The following FAM72D variants were observed in gnomAD, a reference collection of about 807,000 sequenced individuals.
The protein encoded by FAM72D is RUMY family member 4.
For missense variants in FAM72D, 9 were observed against 104.7 expected, an observed-to-expected ratio of 0.09 and a Z score of 3.99; for synonymous variants, 4 against 35.1, an observed-to-expected ratio of 0.11 and a Z score of 3.13.
At chr1:145,102,093 G>T (rs1359706890) in intron 2 of FAM72D, among the ~76,000 whole-genome samples, 1 of 133,480 alleles carries the variant, frequency 7.5e-6, no homozygotes, top group Non-Finnish European at 1.6e-5. Context: ...AAAGACTGAG[G>T]TACTTATAAT....
At chr1:145,101,986 G>A (rs1654729721) in intron 2 of FAM72D, among the ~76,000 whole-genome samples, 1 of 116,446 alleles carries the variant, frequency 8.6e-6, no homozygotes. Flanking sequence ...GGTATAAACA[G>A]TTCATGTTGC....
chr1:145,097,157 G>C (rs1208151533), intron 1 of FAM72D, among the ~76,000 whole-genome samples, 158 bp downstream of exon 1: 1 of 145,432 alleles, frequency 6.9e-6, no homozygotes, highest in Admixed American at 6.6e-5. Context: ...TGGGCAGACT[G>C]TCTGGACAAA....
chr1:145,105,877 G>A (rs1263270262), intron 3 of FAM72D, among the ~76,000 whole-genome samples: 2 of 144,206 alleles, frequency 1.4e-5, no homozygotes, highest in African/African-American at 2.6e-5. Flanking sequence ...GCTTGAACCC[G>A]GGAGGCGGAG....
chr1:145,107,422 A>G (rs1654975055), intron 3 of FAM72D, among the ~76,000 whole-genome samples: 1 of 126,864 alleles, frequency 7.9e-6, no homozygotes, highest in Admixed American at 8.0e-5. Flanking sequence ...TATTTTTAGT[A>G]GAGACAGGGT....
At chr1:145,107,477 G>A (rs1217141126) in intron 3 of FAM72D, among the ~76,000 whole-genome samples, 1 of 127,064 alleles carries the variant, frequency 7.9e-6, no homozygotes, top group African/African-American at 3.0e-5. Flanking sequence ...GACCTCAGGG[G>A]ATCCGCCTGC....
At chr1:145,100,941 A>AT (rs1309288751) in intron 2 of FAM72D, among the ~76,000 whole-genome samples, 4 of 141,680 alleles carry the variant, frequency 2.8e-5, no homozygotes, top group Non-Finnish European at 6.1e-5. Context: ...GGGCAACGAC[A>AT]TTTTTTTTGT....
chr1:145,096,918 T>C lies in FAM72D; in HGVS notation c.71T>C (p.Val24Ala), dbSNP rs1553637236. 1.7e-6 allele frequency: 2 copies of C among 1,196,730 alleles called. No individual in the cohort carries two copies. The highest frequency in any genetic ancestry group is 2.4e-5 in the East Asian group (1 of 41,230). 74.1% of individuals were successfully genotyped at this position (1,196,730 alleles called of 1,614,324 possible). A position where few individuals can be genotyped will look rare whatever the true frequency, so the allele number is the denominator to read the frequency against. The change falls in exon 1 of 4, where the codon GTG (valine) becomes GCG (alanine). Residue 24 changes from valine to alanine, a missense_variant. Val to Ala is a moderately conservative substitution (Grantham distance 64). Coordinates refer to ENST00000400889, the MANE Select transcript of FAM72D (RefSeq NM_207418.3). Reference protein sequence around the residue: ...SILCCKFCKQVLSSRGMKAVL... With the variant: ...SILCCKFCKQALSSRGMKAVL... Reference sequence around the variant, plus strand: ...CTGTGTTGCAAATTCTGTAAACAAGTGCTCAGCTCTAGGGGAATGAAGGCT... The same window carrying C: ...CTGTGTTGCAAATTCTGTAAACAAGCGCTCAGCTCTAGGGGAATGAAGGCT...
At chr1:145,102,033 A>G (rs1654732457) in intron 2 of FAM72D, among the ~76,000 whole-genome samples, 1 of 128,934 alleles carries the variant, frequency 7.8e-6, no homozygotes, top group South Asian at 2.3e-4. Flanking sequence ...CATTCCCTGT[A>G]GGTTCACTCT....
rs1297088064 is a variant in FAM72D at position 145,112,449 on chromosome 1, T to A, written c.*852T>A. The A allele has an allele frequency of 3.3e-5, 5 of 149,590 alleles. No individual in the cohort carries two copies. Among genetic ancestry groups the A allele is most frequent in the Non-Finnish European group, 7.4e-5 (5 of 67,912 alleles). The allele number at this position is 149,590 out of a possible 1,614,324, so 9.3% of individuals were successfully genotyped here. On this transcript the variant is annotated 3_prime_UTR_variant, in exon 4 of 4. Transcript: ENST00000400889. ...TTTGCTTTGCTTTGTTTTGTTTTTTTAAAGCTGCATTCAGAGCTACAAAGG... is the reference window on the plus strand; with the variant it reads ...TTTGCTTTGCTTTGTTTTGTTTTTTAAAAGCTGCATTCAGAGCTACAAAGG...
At chr1:145,106,008 A>G (rs1342775989) in intron 3 of FAM72D, among the ~76,000 whole-genome samples, 1 of 146,740 alleles carries the variant, frequency 6.8e-6, no homozygotes, top group Non-Finnish European at 1.5e-5. Flanking sequence ...AGCCACCTTC[A>G]TCCATAATCT....
chr1:145,094,306 A>T (rs1478410722), upstream of FAM72D, among the ~76,000 whole-genome samples: 1 of 17,616 alleles, frequency 5.7e-5, no homozygotes. Flanking sequence ...GGAGGGACGC[A>T]AGCGGGAGCG....
intron 3 of FAM72D, among the ~76,000 whole-genome samples, chr1:145,107,105 G>A (rs1331131078): frequency 1.5e-4 from 11 of 73,730 alleles, no homozygotes; most frequent in African/African-American, 8.0e-4. Flanking sequence ...CTGCACTCCA[G>A]CCTGGGCAAC....
chr1:145,096,575 A>G lies in FAM72D; in HGVS notation c.-273A>G, dbSNP rs1654449603. ...CGTTGAGAAGTTCCCTTCAAACTCC[A>G]CCTGCCTCCTCTCCAATTCAAACTC... On this transcript the variant is annotated 5_prime_UTR_variant, in exon 1 of 4. Coordinates refer to ENST00000400889, the MANE Select transcript of FAM72D (RefSeq NM_207418.3). The G allele has an allele frequency of 2.4e-6, 1 of 415,814 alleles. No individual in the cohort carries two copies. The highest frequency in any genetic ancestry group is 2.6e-5 in the African/African-American group (1 of 38,492). 25.8% of individuals were successfully genotyped at this position (415,814 alleles called of 1,614,324 possible). A position where few individuals can be genotyped will look rare whatever the true frequency, so the allele number is the denominator to read the frequency against.
At chr1:145,107,240 C>A (rs1654964243) in intron 3 of FAM72D, among the ~76,000 whole-genome samples, 1 of 145,740 alleles carries the variant, frequency 6.9e-6, no homozygotes, top group African/African-American at 2.6e-5. Flanking sequence ...CACTGAAATA[C>A]TAATTCTTTT....
intron 3 of FAM72D, among the ~76,000 whole-genome samples, chr1:145,107,133 CAAA>C (rs71270756): frequency 0.04 from 2,780 of 68,960 alleles, 106 homozygotes; most frequent in African/African-American, 0.15. Flanking sequence ...GACCCTGTCT[CAAA>C]AAAAAAAAAA....
intron 2 of FAM72D, 92 bp from the exon 3 acceptor site, chr1:145,102,915 T>TA: frequency 6.1e-6 from 2 of 330,090 alleles, no homozygotes; most frequent in Non-Finnish European, 1.0e-5. Flanking sequence ...AAATGAGATC[T>TA]AAATTATATG....
intron 1 of FAM72D, 42 bp downstream of exon 1, chr1:145,097,041 A>G (rs587719980): frequency 1.7e-6 from 1 of 604,468 alleles, no homozygotes; most frequent in East Asian, 2.8e-5. Flanking sequence ...TTTTAACTAA[A>G]TGGGAACACT....
intron 3 of FAM72D, among the ~76,000 whole-genome samples, chr1:145,105,439 C>T (rs1654871642): frequency 1.1e-5 from 1 of 91,344 alleles, no homozygotes; most frequent in East Asian, 3.2e-4. Context: ...TTTGGGAGGC[C>T]GAGGTGGATG....
At chr1:145,100,496 T>A (rs1463171471) in intron 2 of FAM72D, among the ~76,000 whole-genome samples, 1 of 147,168 alleles carries the variant, frequency 6.8e-6, no homozygotes, top group African/African-American at 2.5e-5. Context: ...CTTTCTTTTT[T>A]TTTTTTTTTT....
Sources: allele counts gnomAD v4.1 joint callset (sites outside exome capture counted in the v4.1 genomes callset), GRCh38; gene constraint gnomAD v4.1.1; transcripts MANE v1.5; gene names NCBI Gene and HGNC (gene_info 2026-07-23, HGNC 2026-07-21).